The following NAV2 variants were observed in gnomAD, a reference collection of about 807,000 sequenced individuals.
The protein encoded by NAV2 is helicase, APC down-regulated 1.
NAV2 carries 54 observed loss-of-function variants against 223.2 expected under a neutral mutation model. The ratio of observed to expected loss-of-function variants is 0.24; its 90% CI spans 0.19 to 0.30. The LOEUF (loss-of-function observed/expected upper bound fraction) is 0.30. Ranked by LOEUF, NAV2 falls within the 10% of genes least tolerant of loss-of-function variation. The pLI is 1.00. For synonymous variants in NAV2, 1,279 were observed against 1,239.3 expected, an observed-to-expected ratio of 1.03 and a Z score of -0.67; for missense variants, 2,806 against 3,147.5, an observed-to-expected ratio of 0.89 and a Z score of 2.60.
At chr11:19,886,275 C>A (rs987592213) in intron 5 of NAV2, among the ~76,000 whole-genome samples, 1 of 152,122 alleles carries the variant, frequency 6.6e-6, no homozygotes, top group South Asian at 2.1e-4. Context: ...ACTGAGCTGC[C>A]GAACCTAGAG....
chr11:19,553,507 G>C (rs112555874), intron 1 of NAV2, among the ~76,000 whole-genome samples: 1 of 110,172 alleles, frequency 9.1e-6, no homozygotes, highest in South Asian at 3.0e-4. Flanking sequence ...CAGTAATGCA[G>C]ACCACACACA....
In NAV2 at chr11:19,444,297, G is replaced by A. The variant is rs184574213; in HGVS notation, c.75+93270G>A. ...TTGTTTGTGGTAGAAATGGCTAGCT[G>A]TCTCCAAAGATTTGGGCTCCCCCTC... is the stretch of plus-strand genomic sequence containing the variant. On this transcript the variant is annotated intron_variant, in intron 1 of 37. Coordinates refer to the NAV2 transcript ENST00000360655. Among the ~76,000 whole-genome samples the A allele has an allele frequency of 3.9e-5, 6 of 152,248 alleles. No individual in the cohort carries two copies. In the East Asian group the frequency reaches 1.2e-3, roughly 29 times the overall value.
At chr11:19,701,947 A>G (rs1002785099) in intron 1 of NAV2, among the ~76,000 whole-genome samples, 4 of 152,180 alleles carry the variant, frequency 2.6e-5, no homozygotes, top group Admixed American at 2.0e-4. Flanking sequence ...GACAGCTTTT[A>G]GACCATCCTT....
chr11:19,415,845 A>C (rs1431207029), intron 1 of NAV2, among the ~76,000 whole-genome samples: 1 of 152,234 alleles, frequency 6.6e-6, no homozygotes, highest in African/African-American at 2.4e-5. Context: ...GACAAAAACC[A>C]CATGATTATC....
At chr11:19,820,677 C>A (rs926568817) in intron 1 of NAV2, among the ~76,000 whole-genome samples, 3 of 152,172 alleles carry the variant, frequency 2.0e-5, no homozygotes, top group African/African-American at 7.2e-5. Context: ...TCCTGTGCAC[C>A]TTAACCTCTT....
In NAV2 at chr11:19,939,709, A is replaced by T; in HGVS notation, c.2082A>T (p.Thr694=). 6.2e-7 allele frequency: 1 copy of T among 1,614,122 alleles called. No homozygotes were observed. Among genetic ancestry groups the T allele is most frequent in the Non-Finnish European group, 8.5e-7 (1 of 1,180,006 alleles). ...EGNVTAESSS[T]GVSVEPSHFT... ...ATGTTACTGCCGAGTCAAGCTCAAC[A>T]GGTGTGAGCGTGGAGCCCAGCCACT... Residue 694 remains threonine, a synonymous_variant, in exon 8 of 38, where the codon ACA becomes ACT. Transcript: ENST00000349880.
intron 19 of NAV2, 60 bp from the exon 20 acceptor site, chr11:20,062,247 T>TC: frequency 8.0e-7 from 1 of 1,246,104 alleles, no homozygotes. Flanking sequence ...TCCTCCCCTG[T>TC]CCCCTTTTTG....
rs773700967 is a variant in NAV2 at position 20,095,815 on chromosome 11, T to C, written c.6012+48T>C. The C allele has an allele frequency of 2.9e-6, 4 of 1,397,702 alleles. No homozygotes were observed. In the African/African-American group the frequency reaches 5.7e-5, roughly 20 times the overall value. 86.6% of individuals were successfully genotyped at this position (1,397,702 alleles called of 1,614,324 possible). Reference sequence around the variant, plus strand: ...TACAGCATACTACCTAACATGGGCATCCGGGCCTGGGGAGGAAAAGAGAGG... The same window carrying C: ...TACAGCATACTACCTAACATGGGCACCCGGGCCTGGGGAGGAAAAGAGAGG... On this transcript the variant is annotated intron_variant, in intron 30 of 37. Transcript: ENST00000349880.
At chr11:19,412,144 C>G (rs1009301198) in intron 1 of NAV2, among the ~76,000 whole-genome samples, 2 of 152,190 alleles carry the variant, frequency 1.3e-5, no homozygotes, top group Non-Finnish European at 2.9e-5. Context: ...CTCCCACCCC[C>G]ACAGAGCCCA....
intron 1 of NAV2, among the ~76,000 whole-genome samples, chr11:19,722,322 T>TA (rs34460153): frequency 2.0e-5 from 3 of 152,038 alleles, no homozygotes; most frequent in Non-Finnish European, 2.9e-5. Context: ...AGTAATTTTT[T>TA]AAAAAAAATT....
chr11:20,031,160 C>G (rs1210103007), intron 11 of NAV2, among the ~76,000 whole-genome samples: 4 of 152,214 alleles, frequency 2.6e-5, no homozygotes. Flanking sequence ...GCTGCGTACA[C>G]TGTAGTTCTT....
intron 1 of NAV2, among the ~76,000 whole-genome samples, chr11:19,389,092 C>T (rs188970566): frequency 5.3e-5 from 8 of 152,196 alleles, no homozygotes; most frequent in Admixed American, 5.2e-4. Context: ...ACAGCTGTCC[C>T]CATATCAATA....
At chr11:19,742,400 T>G (rs2052924465) in intron 1 of NAV2, among the ~76,000 whole-genome samples, 1 of 152,230 alleles carries the variant, frequency 6.6e-6, no homozygotes, top group African/African-American at 2.4e-5. Flanking sequence ...GTCTGGCACA[T>G]AGTTAGTGCC....
intron 1 of NAV2, among the ~76,000 whole-genome samples, chr11:19,474,422 C>T (rs2632034): frequency 0.54 from 82,586 of 152,134 alleles, 22,399 homozygotes; most frequent in Admixed American, 0.58. Flanking sequence ...GATGTGTACA[C>T]TATGATACAA....
intron 19 of NAV2, among the ~76,000 whole-genome samples, chr11:20,056,242 G>C (rs1395257013): frequency 6.6e-6 from 1 of 152,192 alleles, no homozygotes; most frequent in Non-Finnish European, 1.5e-5. Flanking sequence ...CTCCCTCCTG[G>C]ACTTGGGCCA....
At chr11:19,385,857 G>C (rs1849021887) in intron 1 of NAV2, among the ~76,000 whole-genome samples, 1 of 147,962 alleles carries the variant, frequency 6.8e-6, no homozygotes, top group South Asian at 2.2e-4. Context: ...CGCCTCCTGG[G>C]TTCACGCCAG....
chr11:19,897,933 A>C (rs921744283), intron 6 of NAV2, among the ~76,000 whole-genome samples: 1 of 130,616 alleles, frequency 7.7e-6, no homozygotes, highest in Non-Finnish European at 1.6e-5. Flanking sequence ...CAGGAAGACT[A>C]CTCACTTCTG....
intron 1 of NAV2, among the ~76,000 whole-genome samples, chr11:19,461,296 AG>A (rs1852150456): frequency 6.6e-6 from 1 of 152,152 alleles, no homozygotes. Context: ...ACTCCTCCAC[AG>A]GGATTTTTAT....
chr11:19,395,040 A>G (rs936911894), intron 1 of NAV2, among the ~76,000 whole-genome samples: 4 of 152,230 alleles, frequency 2.6e-5, no homozygotes, highest in African/African-American at 7.2e-5. Context: ...TAGCAGTGCC[A>G]ATGACCTTCC....
Sources: gnomAD v4.1 joint callset for allele counts (sites outside exome capture counted in the v4.1 genomes callset) on GRCh38, gnomAD v4.1.1 for gene constraint, MANE v1.5 for transcripts, NCBI Gene and HGNC (gene_info 2026-07-23, HGNC 2026-07-21) for gene names.